The following CRHR2 variants were observed in gnomAD, a reference collection of about 807,000 sequenced individuals.
The protein encoded by CRHR2 is corticotropin releasing hormone receptor 2, also known as corticotropin-releasing hormone receptor 2.
CRHR2 carries 53 observed loss-of-function variants against 57.9 expected under a neutral mutation model. That is an observed-to-expected ratio of 0.92 (90% CI 0.73 to 1.15). CRHR2 has a LOEUF of 1.15. CRHR2 is among the 50% of genes most tolerant of loss of function. The pLI, the probability that CRHR2 is intolerant of heterozygous loss-of-function variation, is 0.00. For missense variants in CRHR2, 532 were observed against 542.6 expected (o/e 0.98, Z 0.19); for synonymous variants, 213 against 220.9 (o/e 0.96, Z 0.32).
intron 2 of CRHR2, among the ~76,000 whole-genome samples, chr7:30,673,188 T>A (rs911103948): frequency 1.3e-5 from 2 of 151,714 alleles, no homozygotes; most frequent in Admixed American, 6.6e-5. Flanking sequence ...TCTTTGACCA[T>A]GACTTTGAGT....
At position 30,655,166 on chromosome 7, in the gene CRHR2, T is replaced by TG. The variant is rs1006531177; in HGVS notation, c.1054-87dup. ...TGGGGTGGCACTGGGGACAAGATGG[T>TG]GGGGGGGGGACAATTTGACCCAGGA... On this transcript the variant is annotated intron_variant, in intron 10 of 11. Coordinates refer to ENST00000471646, the MANE Select transcript of CRHR2 (RefSeq NM_001883.5). The TG allele has an allele frequency of 1.7e-3, 1,847 of 1,059,942 alleles. 5 individuals are homozygous for TG. The highest frequency in any genetic ancestry group is 9.6e-3 in the African/African-American group (576 of 59,848). The allele number at this position is 1,059,942 out of a possible 1,614,324, so 65.7% of individuals were successfully genotyped here. A position where few individuals can be genotyped will look rare whatever the true frequency, so the allele number is the denominator to read the frequency against.
chr7:30,677,360 G>A (rs1472231867), intron 2 of CRHR2, among the ~76,000 whole-genome samples: 2 of 152,176 alleles, frequency 1.3e-5, no homozygotes, highest in African/African-American at 4.8e-5. Flanking sequence ...AGGAGTCCGT[G>A]TGGAATGGGG....
At chr7:30,689,234 C>T (rs1784912249) in exon 2 of CRHR2, 1 of 1,550,406 alleles carries the variant, frequency 6.4e-7, no homozygotes. Flanking sequence ...AGTACTGCTC[C>T]AGAAGTGCCC....
chr7:30,662,676 T>C lies in CRHR2; in HGVS notation c.697+18A>G. 2 of 1,609,182 alleles carry C rather than the reference T, an allele frequency of 1.2e-6. No homozygotes were observed. The highest frequency in any genetic ancestry group is 8.5e-7 in the Non-Finnish European group (1 of 1,176,430). Reference sequence around the variant, plus strand: ...AGTCCTCCCCCCAACTAGGCCCTGCTGCCCCTGGGACCCTCACACCATCCG... The same window carrying C: ...AGTCCTCCCCCCAACTAGGCCCTGCCGCCCCTGGGACCCTCACACCATCCG... On this transcript the variant is annotated intron_variant, in intron 6 of 11. Coordinates refer to ENST00000471646, the MANE Select transcript of CRHR2 (RefSeq NM_001883.5).
chr7:30,682,336 CGA>C lies in CRHR2; in HGVS notation c.-58_-57del. 1 of 1,478,880 alleles carries C rather than the reference CGA, an allele frequency of 6.8e-7. No homozygotes were observed. Among genetic ancestry groups the C allele is most frequent in the Non-Finnish European group, 8.9e-7 (1 of 1,117,684 alleles). 91.6% of individuals were successfully genotyped at this position (1,478,880 alleles called of 1,614,324 possible). On this transcript the variant is annotated 5_prime_UTR_variant, in exon 1 of 12. Transcript: ENST00000471646. ...TGGGAGTGCGCGCCCGGCGTGACTGCGAGGGAGTGGACGCGAGAGTGAGCGGC... is the reference window on the plus strand; with the variant it reads ...TGGGAGTGCGCGCCCGGCGTGACTGCGGGAGTGGACGCGAGAGTGAGCGGC...
intron 2 of CRHR2, among the ~76,000 whole-genome samples, chr7:30,678,911 G>A (rs1007562502): frequency 1.3e-5 from 2 of 152,186 alleles, no homozygotes; most frequent in Admixed American, 1.3e-4. Context: ...CCAGAGGACA[G>A]TGTGCTCCCA....
chr7:30,673,058 A>C (rs1448298124), intron 2 of CRHR2, among the ~76,000 whole-genome samples: 1 of 152,118 alleles, frequency 6.6e-6, no homozygotes, highest in Non-Finnish European at 1.5e-5. Flanking sequence ...TGGTGTCCAG[A>C]TCCTCAGAAG....
chr7:30,681,976 G>C lies in CRHR2; in HGVS notation c.168C>G (p.Ala56=). ...QIGTCWPRSA[A]GALVERPCPE... is the part of the protein sequence containing the mutation. Reference sequence around the variant, plus strand: ...GGCACGGCCTCTCCACGAGGGCTCCGGCAGCGCTGCGGGGCCAGCACGTTC... The same window carrying C: ...GGCACGGCCTCTCCACGAGGGCTCCCGCAGCGCTGCGGGGCCAGCACGTTC... Residue 56 remains alanine (A), a synonymous_variant, in exon 2 of 12, where the codon GCC becomes GCG. Coordinates refer to ENST00000471646, the MANE Select transcript of CRHR2 (RefSeq NM_001883.5). The C allele has an allele frequency of 6.2e-7, 1 of 1,610,434 alleles. No homozygotes were observed. The highest frequency in any genetic ancestry group is 1.7e-4 in the Middle Eastern group (1 of 6,052).
In CRHR2 at chr7:30,677,201, AAG is replaced by A. The variant is rs150572639; in HGVS notation, c.229+4712_229+4713del. 2.7e-3 allele frequency among the ~76,000 whole-genome samples: 417 copies of A among 151,928 alleles called. 2 individuals are homozygous for A. Among genetic ancestry groups the A allele is most frequent in the African/African-American group, 9.5e-3 (393 of 41,366 alleles). On this transcript the variant is annotated intron_variant, in intron 2 of 11. Transcript: ENST00000471646. ...AGAAGGCAGTAGGGAGAGATGGAGA[AAG>A]AGAGAGAGAGGTAGAAAATGAGAGA... is the stretch of plus-strand genomic sequence containing the variant.
At chr7:30,690,183 A>AG (rs1490033979) in intron 1 of CRHR2, among the ~76,000 whole-genome samples, 1 of 152,118 alleles carries the variant, frequency 6.6e-6, no homozygotes, top group East Asian at 1.9e-4. Flanking sequence ...CGATTTACTG[A>AG]GGAGGGCAGG....
At chr7:30,696,119 G>A (rs1218564830) in intron 1 of CRHR2, among the ~76,000 whole-genome samples, 1 of 152,186 alleles carries the variant, frequency 6.6e-6, no homozygotes. Context: ...TGGAGATAGA[G>A]AGTGGAAGAA....
intron 1 of CRHR2, among the ~76,000 whole-genome samples, chr7:30,693,322 C>A (rs962648248): frequency 8.3e-4 from 127 of 152,158 alleles, no homozygotes; most frequent in African/African-American, 3.0e-3. Context: ...TCAGCACCTT[C>A]CTACACCTTG....
rs1241217769 is a variant in CRHR2 at position 30,665,037 on chromosome 7, C to G, written c.543+33G>C. The G allele has an allele frequency of 6.3e-7, 1 of 1,582,580 alleles. No individual in the cohort carries two copies. The highest frequency in any genetic ancestry group is 8.7e-7 in the Non-Finnish European group (1 of 1,151,432). On this transcript the variant is annotated intron_variant, in intron 5 of 11. Coordinates refer to ENST00000471646, the MANE Select transcript of CRHR2 (RefSeq NM_001883.5). The surrounding 1 kb of genome is among the most constrained non-coding windows in gnomAD (Gnocchi z 4.5). Reference sequence around the variant, plus strand: ...GGTGCCCCCGGAGCCCAGAGCCCCCCAGGTATAGCCCCGAGTCTCCCCGAG... The same window carrying G: ...GGTGCCCCCGGAGCCCAGAGCCCCCGAGGTATAGCCCCGAGTCTCCCCGAG...
chr7:30,665,580 G>A lies in CRHR2; in HGVS notation c.375C>T (p.Cys125=), dbSNP rs537160081. ...CGGCCACCAGGGCTGCCACAGATAC[G>A]CAGTGGCCCAGGTAGTTGACGACAA... The part of the protein sequence containing the change: ...IALVVNYLGH[C]VSVAALVAAF... The change falls in exon 4 of 12, where the codon TGC becomes TGT. Residue 125 remains cysteine, a synonymous_variant. Transcript: ENST00000471646. This position sits in a 1 kb window ranked among gnomAD's most constrained non-coding sequence, Gnocchi z 4.5. The A allele has an allele frequency of 3.2e-6, 5 of 1,564,782 alleles. No homozygotes were observed. Among genetic ancestry groups the A allele is most frequent in the East Asian group, 2.4e-5 (1 of 41,850 alleles).
intron 1 of CRHR2, among the ~76,000 whole-genome samples, chr7:30,696,900 A>G (rs1335181608): frequency 1.3e-5 from 2 of 152,202 alleles, no homozygotes; most frequent in Non-Finnish European, 2.9e-5. Context: ...TTTGAGATTT[A>G]GGAGGAATAC....
At chr7:30,674,941 C>A (rs1562803199) in intron 2 of CRHR2, among the ~76,000 whole-genome samples, 4 of 152,184 alleles carry the variant, frequency 2.6e-5, no homozygotes. Flanking sequence ...AGCATCATCT[C>A]CCCTGTGTGC....
chr7:30,694,303 G>A (rs1785014765), intron 1 of CRHR2, among the ~76,000 whole-genome samples: 1 of 152,216 alleles, frequency 6.6e-6, no homozygotes, highest in African/African-American at 2.4e-5. Flanking sequence ...GCCTGGCATG[G>A]GAGGCCCTCA....
intron 2 of CRHR2, among the ~76,000 whole-genome samples, chr7:30,668,129 A>G (rs1231213988): frequency 6.6e-6 from 1 of 152,250 alleles, no homozygotes; most frequent in Admixed American, 6.5e-5. Context: ...GTGAAAAGAC[A>G]TTTCAAGCAG....
Position 30,682,231 on chromosome 7 carries a change from G to A in CRHR2, c.50C>T (p.Ala17Val). 1 of 1,590,070 alleles carries A rather than the reference G, an allele frequency of 6.3e-7. No individual in the cohort carries two copies. Among genetic ancestry groups the A allele is most frequent in the Non-Finnish European group, 8.5e-7 (1 of 1,175,658 alleles). Residue 17 changes from alanine (A) to valine (V), a missense_variant, in exon 1 of 12, where the codon GCG becomes GTG. Transcript: ENST00000471646. ...HSLLEANCSL[A>V]LAEELLLDGW... The stretch of plus-strand genomic sequence containing the variant: ...GTCCAAGAGCAGCTCTTCAGCCAGC[G>A]CCAGGCTGCAGTTGGCCTCCAGCAG...
Sources: gnomAD v4.1 joint callset for allele counts (sites outside exome capture counted in the v4.1 genomes callset) on GRCh38, gnomAD v4.1.1 for gene constraint, Gnocchi (gnomAD v3.1) non-coding constraint, MANE v1.5 for transcripts, NCBI Gene and HGNC (gene_info 2026-07-23, HGNC 2026-07-21) for gene names.